The following GALNTL6 variants were observed in gnomAD, a reference collection of about 807,000 sequenced individuals.
The protein encoded by GALNTL6 is polypeptide N-acetylgalactosaminyltransferase like 6.
A neutral mutation model predicts 73.7 loss-of-function variants in GALNTL6; 46 were observed. The ratio of observed to expected loss-of-function variants is 0.62; its 90% CI spans 0.49 to 0.80. GALNTL6 has a LOEUF of 0.80. GALNTL6 is among the 30% of genes least tolerant of loss of function. The pLI, the probability that GALNTL6 is intolerant of heterozygous loss-of-function variation, is 0.00. For missense variants in GALNTL6, 604 were observed against 755.0 expected, an observed-to-expected ratio of 0.80 and a Z score of 2.34; for synonymous variants, 259 against 263.7, an observed-to-expected ratio of 0.98 and a Z score of 0.17.
At chr4:172,223,541 A>AT (rs1407540428) in intron 2 of GALNTL6, among the ~76,000 whole-genome samples, 2 of 151,924 alleles carry the variant, frequency 1.3e-5, no homozygotes, top group Admixed American at 6.6e-5. Flanking sequence ...CTGTGTATTA[A>AT]TTTTTTTGTG....
intron 5 of GALNTL6, among the ~76,000 whole-genome samples, chr4:172,528,319 A>AATATACATATAT: frequency 9.6e-6 from 1 of 103,682 alleles, no homozygotes; most frequent in East Asian, 3.2e-4. Flanking sequence ...CTAGAAATAA[A>AATATACATATAT]ATATATATAT....
intron 8 of GALNTL6, among the ~76,000 whole-genome samples, chr4:172,900,218 G>A (rs1381742015): frequency 6.6e-6 from 1 of 152,098 alleles, no homozygotes; most frequent in Non-Finnish European, 1.5e-5. Flanking sequence ...TAAAAGGTGG[G>A]TATTCTCATT....
intron 5 of GALNTL6, among the ~76,000 whole-genome samples, chr4:172,467,676 C>A (rs1391968571): frequency 6.6e-6 from 1 of 152,078 alleles, no homozygotes; most frequent in East Asian, 1.9e-4. Context: ...GGGAAAGAAA[C>A]TTTACCCCTT....
intron 5 of GALNTL6, among the ~76,000 whole-genome samples, chr4:172,398,458 G>C (rs1450598080): frequency 6.6e-6 from 1 of 152,152 alleles, no homozygotes; most frequent in African/African-American, 2.4e-5. Context: ...CAATAAGAGG[G>C]GAGGAAGAGC....
intron 2 of GALNTL6, among the ~76,000 whole-genome samples, chr4:172,133,254 T>C (rs1290667856): frequency 1.3e-5 from 2 of 152,194 alleles, no homozygotes; most frequent in East Asian, 1.9e-4. Flanking sequence ...TTGGGTAAGA[T>C]AATGAGGTCA....
intron 5 of GALNTL6, among the ~76,000 whole-genome samples, chr4:172,485,221 A>G (rs540841443): frequency 2.6e-5 from 4 of 152,208 alleles, no homozygotes; most frequent in African/African-American, 7.2e-5. Context: ...CAGGTAACCT[A>G]TATTTCATCC....
At chr4:171,866,795 CT>C (rs984458969) in intron 2 of GALNTL6, among the ~76,000 whole-genome samples, 13 of 152,170 alleles carry the variant, frequency 8.5e-5, no homozygotes, top group African/African-American at 2.9e-4. Flanking sequence ...TCCTTGGGTT[CT>C]TTTTTCATAA....
chr4:172,065,169 T>C (rs1332808258), intron 2 of GALNTL6, among the ~76,000 whole-genome samples: 1 of 112,880 alleles, frequency 8.9e-6, no homozygotes, highest in Admixed American at 9.1e-5. Flanking sequence ...GGGTTGGGGG[T>C]TAGGGGGGAT....
At chr4:171,908,084 G>A (rs1219596635) in intron 2 of GALNTL6, among the ~76,000 whole-genome samples, 1 of 152,090 alleles carries the variant, frequency 6.6e-6, no homozygotes, top group South Asian at 2.1e-4. Context: ...CATAGGCATG[G>A]GCAAGGACTT....
chr4:172,876,232 T>C (rs1470774304), intron 7 of GALNTL6, among the ~76,000 whole-genome samples: 8 of 152,250 alleles, frequency 5.3e-5, no homozygotes, highest in African/African-American at 1.9e-4. Context: ...TATGTCATTA[T>C]GTGTGTGATA....
At chr4:172,295,495 A>G (rs1739636397) in intron 3 of GALNTL6, among the ~76,000 whole-genome samples, 1 of 139,702 alleles carries the variant, frequency 7.2e-6, no homozygotes, top group South Asian at 2.2e-4. Flanking sequence ...TTATCCCCGC[A>G]TGGTTGCACT....
intron 5 of GALNTL6, among the ~76,000 whole-genome samples, chr4:172,372,195 G>A (rs752246921): frequency 2.6e-5 from 4 of 152,156 alleles, no homozygotes; most frequent in Non-Finnish European, 4.4e-5. Flanking sequence ...GATTAGCTAA[G>A]GGGACTTTGA....
At chr4:171,867,814 C>T (rs569210310) in intron 2 of GALNTL6, among the ~76,000 whole-genome samples, 20 of 152,234 alleles carry the variant, frequency 1.3e-4, no homozygotes, top group Middle Eastern at 3.4e-3. Flanking sequence ...GCTCTGCTTA[C>T]CTCTCTAACA....
chr4:172,856,697 G>A (rs35227023), intron 7 of GALNTL6, among the ~76,000 whole-genome samples: 56,745 of 152,106 alleles, frequency 0.37, 12,388 homozygotes, highest in East Asian at 0.61. Flanking sequence ...AGGACAAGGG[G>A]ATAATAAAGT....
intron 2 of GALNTL6, among the ~76,000 whole-genome samples, chr4:171,841,122 G>T (rs964053916): frequency 6.6e-6 from 1 of 152,126 alleles, no homozygotes; most frequent in African/African-American, 2.4e-5. Flanking sequence ...TTTGAAAGCA[G>T]TTTCTTTTCA....
chr4:172,382,966 T>C (rs1360716975), intron 5 of GALNTL6, among the ~76,000 whole-genome samples: 1 of 152,140 alleles, frequency 6.6e-6, no homozygotes, highest in African/African-American at 2.4e-5. Flanking sequence ...ATGTAAGCTA[T>C]ATTTCTGGAT....
chr4:172,816,081 G>A (rs1267981358), intron 7 of GALNTL6, among the ~76,000 whole-genome samples: 1 of 152,188 alleles, frequency 6.6e-6, no homozygotes, highest in African/African-American at 2.4e-5. Flanking sequence ...ACAGAACGAA[G>A]GCAGTCTATC....
At chr4:172,124,974 C>A (rs1366507099) in intron 2 of GALNTL6, among the ~76,000 whole-genome samples, 1 of 151,904 alleles carries the variant, frequency 6.6e-6, no homozygotes, top group African/African-American at 2.4e-5. Flanking sequence ...CTTTTTTAGG[C>A]CTTCAAGAAA....
intron 5 of GALNTL6, among the ~76,000 whole-genome samples, chr4:172,379,310 C>T (rs894210525): frequency 6.6e-6 from 1 of 151,890 alleles, no homozygotes; most frequent in African/African-American, 2.4e-5. Flanking sequence ...GCGGGTGGAT[C>T]ATGAGGTCAG....
Sources: gnomAD v4.1 joint callset for allele counts (sites outside exome capture counted in the v4.1 genomes callset) on GRCh38, gnomAD v4.1.1 for gene constraint, MANE v1.5 for transcripts, NCBI Gene and HGNC (gene_info 2026-07-23, HGNC 2026-07-21) for gene names.